The following PSMB1 variants were observed in gnomAD, a reference collection of about 807,000 sequenced individuals.
PSMB1 encodes the protein proteasome 20S subunit beta 1.
In PSMB1, 7 loss-of-function variants were observed where a neutral mutation model predicts 25.4. The ratio of observed to expected loss-of-function variants is 0.28; its 90% confidence interval spans 0.16 to 0.52. PSMB1 has a LOEUF of 0.52. PSMB1 is among the 20% of genes least tolerant of loss of function. The probability of loss-of-function intolerance (pLI) is 0.97; values close to 1 mark genes in which losing one functional copy is unlikely to be tolerated. For missense variants in PSMB1, 284 were observed against 302.2 expected (o/e 0.94, Z 0.45); for synonymous variants, 119 against 115.0 (o/e 1.03, Z -0.22).
intron 5 of PSMB1, among the ~76,000 whole-genome samples, 192 bp downstream of exon 5, chr6:170,537,042 T>C (rs1264951997): frequency 6.6e-5 from 10 of 151,124 alleles, no homozygotes; most frequent in African/African-American, 2.2e-4. Context: ...CACAAGAGAG[T>C]AGGCAGAACA....
chr6:170,553,052 A>T (rs1778935186), intron 1 of PSMB1, 78 bp downstream of exon 1: 1 of 1,288,788 alleles, frequency 7.8e-7, no homozygotes, highest in Non-Finnish European at 1.1e-6. Flanking sequence ...CAGCGCCATC[A>T]CGGCGGTGAC....
rs374736322 is a variant in PSMB1 at position 170,535,209 on chromosome 6, G to C, written c.*11C>G. ...CCAGGTCTGAACTGATTGGTGATAA[G>C]AGCACACAGATCAGTCCTTCCTTAA... On this transcript the variant is annotated 3_prime_UTR_variant, in exon 6 of 6. Transcript: ENST00000262193. 5 of 1,612,282 alleles carry C rather than the reference G, an allele frequency of 3.1e-6. No homozygotes were observed. The Admixed American group carries it at 6.7e-5, about 22-fold the overall frequency.
intron 4 of PSMB1, 81 bp from the exon 5 acceptor site, chr6:170,537,421 G>C: frequency 8.7e-7 from 1 of 1,154,314 alleles, no homozygotes. Context: ...AGGTCAAAAC[G>C]TGACACAAAA....
intron 2 of PSMB1, 113 bp downstream of exon 2, chr6:170,548,893 G>A (rs1193428960): frequency 1.4e-6 from 1 of 732,746 alleles, no homozygotes; most frequent in Non-Finnish European, 2.3e-6. Context: ...TAATAAAAAT[G>A]CTCCCAACAG....
chr6:170,545,505 A>C (rs1305175842), intron 3 of PSMB1, among the ~76,000 whole-genome samples: 3 of 152,232 alleles, frequency 2.0e-5, no homozygotes, highest in Non-Finnish European at 4.4e-5. Flanking sequence ...GTAACCACTC[A>C]TAAGTGTAAA....
intron 4 of PSMB1, among the ~76,000 whole-genome samples, chr6:170,538,187 T>C (rs1338079177): frequency 6.6e-6 from 1 of 152,218 alleles, no homozygotes; most frequent in Non-Finnish European, 1.5e-5. Flanking sequence ...AGAACACAGG[T>C]GATTCTACAA....
chr6:170,536,247 T>G, intron 5 of PSMB1: 1 of 360,464 alleles, frequency 2.8e-6, no homozygotes, highest in Non-Finnish European at 5.5e-6. Flanking sequence ...GAGAAAGGTA[T>G]GCCACAAATG....
chr6:170,543,697 T>C lies in PSMB1; in HGVS notation c.337A>G (p.Thr113Ala). 6.2e-7 allele frequency: 1 copy of C among 1,612,196 alleles called. No homozygotes were observed. ...YKHSNNKAMT[T>A]GAIAAMLSTI... The stretch of plus-strand genomic sequence containing the variant: ...GACAGCATTGCAGCAATTGCCCCCG[T>C]AGTCATGGCCTTATTATTGGAATGC... Residue 113 changes from threonine (T) to alanine (A), a missense_variant, in exon 4 of 6, where the codon ACG becomes GCG. Thr to Ala is a moderately conservative substitution (Grantham distance 58, BLOSUM62 0). Coordinates refer to ENST00000262193, the MANE Select transcript of PSMB1 (RefSeq NM_002793.4).
chr6:170,550,077 CT>C (rs1778872381), intron 1 of PSMB1: 1 of 152,140 alleles, frequency 6.6e-6, no homozygotes, highest in African/African-American at 2.4e-5. Context: ...ATGTACAAGG[CT>C]TGACTGATAA....
At chr6:170,552,666 T>G (rs977185779) in intron 1 of PSMB1, among the ~76,000 whole-genome samples, 1 of 152,220 alleles carries the variant, frequency 6.6e-6, no homozygotes, top group Admixed American at 6.5e-5. Flanking sequence ...CCAACCCAGC[T>G]ATGCATCTAA....
chr6:170,545,986 C>A, intron 3 of PSMB1, 117 bp downstream of exon 3: 2 of 787,208 alleles, frequency 2.5e-6, no homozygotes, highest in Non-Finnish European at 4.1e-6. Context: ...ATTTGTAATT[C>A]ATCTACTAAC....
intron 5 of PSMB1, among the ~76,000 whole-genome samples, chr6:170,536,831 C>T (rs1034842466): frequency 2.0e-5 from 3 of 152,110 alleles, no homozygotes; most frequent in Non-Finnish European, 4.4e-5. Flanking sequence ...CCCCAATCCC[C>T]GTGTTGTTCA....
chr6:170,548,575 A>G (rs1778852457), intron 2 of PSMB1, among the ~76,000 whole-genome samples: 1 of 152,168 alleles, frequency 6.6e-6, no homozygotes, highest in Admixed American at 6.5e-5. Flanking sequence ...TGTGGTTTGA[A>G]TATTCCCTTC....
chr6:170,550,717 T>C (rs1004696156), intron 1 of PSMB1, among the ~76,000 whole-genome samples: 4 of 152,054 alleles, frequency 2.6e-5, no homozygotes, highest in African/African-American at 7.3e-5. Context: ...TCCAAAATCA[T>C]CACAAACACA....
intron 5 of PSMB1, among the ~76,000 whole-genome samples, chr6:170,535,813 A>AT (rs1278304093): frequency 1.3e-5 from 2 of 152,228 alleles, no homozygotes; most frequent in Non-Finnish European, 2.9e-5. Flanking sequence ...AGCACAGAAC[A>AT]TTCCAGACTG....
chr6:170,536,832 G>A (rs984816078), intron 5 of PSMB1, among the ~76,000 whole-genome samples: 3 of 152,128 alleles, frequency 2.0e-5, no homozygotes, highest in South Asian at 2.1e-4. Flanking sequence ...CCCAATCCCC[G>A]TGTTGTTCAA....
At chr6:170,548,074 C>T (rs1254199082) in intron 2 of PSMB1, among the ~76,000 whole-genome samples, 1 of 152,152 alleles carries the variant, frequency 6.6e-6, no homozygotes, top group Non-Finnish European at 1.5e-5. Flanking sequence ...GCACCATAAA[C>T]AGAAAGCAGA....
intron 3 of PSMB1, 34 bp downstream of exon 3, chr6:170,546,069 T>G (rs1201576333): frequency 3.9e-6 from 6 of 1,541,196 alleles, no homozygotes; most frequent in Non-Finnish European, 5.3e-6. Context: ...TACTATTAAT[T>G]TAAAATAGTG....
rs1289830000 is a variant in PSMB1 at position 170,535,363 on chromosome 6, A to G, written c.583T>C (p.Ser195Pro). ...ACCAGCCGCATGGCTCTGTCCAAGG[A>G]CAGCGGAACATGCTCCACATTCTGC... ...NMQNVEHVPL[S>P]LDRAMRLVKD... The change falls in exon 6 of 6, where the codon TCC becomes CCC. Residue 195 changes from serine (S) to proline (P), a missense_variant. Transcript: ENST00000262193. The G allele has an allele frequency of 2.5e-6, 4 of 1,614,058 alleles. No homozygotes were observed. The highest frequency in any genetic ancestry group is 3.4e-6 in the Non-Finnish European group (4 of 1,180,004).
Sources: gnomAD v4.1 joint callset for allele counts (sites outside exome capture counted in the v4.1 genomes callset) on GRCh38, gnomAD v4.1.1 for gene constraint, MANE v1.5 for transcripts, NCBI Gene and HGNC (gene_info 2026-07-23, HGNC 2026-07-21) for gene names.